EPM2A: variants seen among roughly 807,000 people sequenced by gnomAD.
EPM2A encodes laforin.
Under a neutral mutation model 26.5 loss-of-function variants are expected in EPM2A, and 21 were observed. The observed-to-expected ratio is 0.79, with a 90% CI of 0.56 to 1.14. The LOEUF (loss-of-function observed/expected upper bound fraction) is 1.14. Ranked by LOEUF, EPM2A falls within the 50% of genes most tolerant of loss-of-function variation. The pLI is 0.00. For synonymous variants in EPM2A, 217 were observed against 177.6 expected, an observed-to-expected ratio of 1.22 and a Z score of -1.76; for missense variants, 458 against 440.8, an observed-to-expected ratio of 1.04 and a Z score of -0.35.
At chr6:145,506,148 G>C (rs1021958781) in intron 2 of EPM2A, among the ~76,000 whole-genome samples, 3 of 152,202 alleles carry the variant, frequency 2.0e-5, no homozygotes, top group African/African-American at 7.2e-5. Context: ...TCACACTACA[G>C]TTTCCTTTGG....
At chr6:145,391,895 C>T (rs1778341315) in intron 4 of EPM2A, among the ~76,000 whole-genome samples, 1 of 151,650 alleles carries the variant, frequency 6.6e-6, no homozygotes, top group South Asian at 2.1e-4. Context: ...AGAGATATTT[C>T]TCTTGGCCCT....
Position 145,450,579 on chromosome 6 carries a change from T to C in EPM2A, c.555+51943A>G, listed in dbSNP as rs1779184380. On this transcript the variant is annotated intron_variant, in intron 4 of 4. Transcript: ENST00000638717. ...CCCTGACTTTGGAAGTTTTCTCACA[T>C]GCATACTCTGATCAGTAAGCAGTTA... Among the ~76,000 whole-genome samples the C allele has an allele frequency of 2.0e-5, 3 of 152,296 alleles. No individual in the cohort carries two copies. The South Asian group carries it at 6.2e-4, about 32-fold the overall frequency.
intron 2 of EPM2A, among the ~76,000 whole-genome samples, chr6:145,561,934 C>T (rs566710398): frequency 6.6e-6 from 1 of 151,948 alleles, no homozygotes; most frequent in Non-Finnish European, 1.5e-5. Context: ...AGCATTAGGA[C>T]AAATACCTAA....
chr6:145,414,257 A>C (rs938936233), intron 4 of EPM2A, among the ~76,000 whole-genome samples: 1 of 151,884 alleles, frequency 6.6e-6, no homozygotes, highest in Non-Finnish European at 1.5e-5. Flanking sequence ...TGGCTTTGTT[A>C]GTGTGGATTT....
chr6:145,680,367 A>ATTTATTTATTTT (rs1780419951), intron 2 of EPM2A, among the ~76,000 whole-genome samples: 1 of 81,904 alleles, frequency 1.2e-5, no homozygotes, highest in African/African-American at 5.3e-5. Context: ...AGTTTCATTT[A>ATTTATTTATTTT]TTTATTTATT....
chr6:145,481,508 G>A (rs1779611019), intron 4 of EPM2A, among the ~76,000 whole-genome samples: 1 of 152,070 alleles, frequency 6.6e-6, no homozygotes, highest in Non-Finnish European at 1.5e-5. Context: ...GCTCATCAGG[G>A]ATGCTAATTT....
At chr6:145,469,840 T>C (rs1779449891) in intron 4 of EPM2A, among the ~76,000 whole-genome samples, 1 of 152,142 alleles carries the variant, frequency 6.6e-6, no homozygotes. Flanking sequence ...TATTCAGCCA[T>C]AAAGAAGAAT....
chr6:145,412,167 A>G (rs972656464), intron 4 of EPM2A, among the ~76,000 whole-genome samples: 1 of 150,968 alleles, frequency 6.6e-6, no homozygotes, highest in African/African-American at 2.4e-5. Context: ...CAGTGAGCCA[A>G]GATTGCGCCA....
intron 2 of EPM2A, among the ~76,000 whole-genome samples, chr6:145,679,628 C>T (rs1282717617): frequency 2.6e-5 from 4 of 152,004 alleles, no homozygotes; most frequent in Non-Finnish European, 5.9e-5. Context: ...GTCTTCTGCA[C>T]TGAGAGCTTA....
At chr6:145,720,479 T>G (rs1262420474) in intron 1 of EPM2A, among the ~76,000 whole-genome samples, 3 of 152,202 alleles carry the variant, frequency 2.0e-5, no homozygotes, top group East Asian at 3.8e-4. Context: ...TTCAGAATTA[T>G]TTTTACCTCA....
At chr6:145,503,318 C>T (rs956954952) in intron 2 of EPM2A, among the ~76,000 whole-genome samples, 9 of 148,414 alleles carry the variant, frequency 6.1e-5, no homozygotes, top group African/African-American at 1.5e-4. Flanking sequence ...TGTTTGCAGA[C>T]GACATGATTG....
At chr6:145,620,079 C>T (rs1393369825) in intron 2 of EPM2A, among the ~76,000 whole-genome samples, 1 of 152,186 alleles carries the variant, frequency 6.6e-6, no homozygotes, top group Non-Finnish European at 1.5e-5. Context: ...TTTGTTTATC[C>T]ACTATGGGTG....
intron 2 of EPM2A, among the ~76,000 whole-genome samples, chr6:145,600,073 T>C (rs993894473): frequency 2.6e-5 from 4 of 152,200 alleles, no homozygotes; most frequent in Non-Finnish European, 2.9e-5. Context: ...GGCAACATCA[T>C]TGAACTCTCA....
chr6:145,641,566 T>C (rs551420853), intron 2 of EPM2A, among the ~76,000 whole-genome samples: 89 of 152,300 alleles, frequency 5.8e-4, no homozygotes, highest in Admixed American at 1.7e-3. Flanking sequence ...CATTCAGGCT[T>C]AAAATAGAGT....
At chr6:145,563,584 T>C (rs1039363482) in intron 2 of EPM2A, among the ~76,000 whole-genome samples, 5 of 152,110 alleles carry the variant, frequency 3.3e-5, no homozygotes, top group African/African-American at 4.8e-5. Context: ...AGGATTTTAT[T>C]GCAAGCTTGA....
chr6:145,661,156 G>A (rs78041218), intron 2 of EPM2A, among the ~76,000 whole-genome samples: 6,199 of 152,176 alleles, frequency 0.041, 426 homozygotes, highest in African/African-American at 0.14. Context: ...AAGGGGAACA[G>A]AAGGGGCAAA....
At chr6:145,685,943 A>G (rs1780868937) in intron 2 of EPM2A, among the ~76,000 whole-genome samples, 179 bp downstream of exon 2, 1 of 152,198 alleles carries the variant, frequency 6.6e-6, no homozygotes, top group Non-Finnish European at 1.5e-5. Context: ...AAAATCCTCC[A>G]CATCTAGACC....
chr6:145,519,570 G>A (rs923203108), intron 2 of EPM2A, among the ~76,000 whole-genome samples: 3 of 152,086 alleles, frequency 2.0e-5, no homozygotes, highest in Admixed American at 6.6e-5. Context: ...AGACTGTATA[G>A]GAAAAAAGAG....
chr6:145,605,385 C>T (rs1339950791), intron 2 of EPM2A, among the ~76,000 whole-genome samples: 1 of 152,078 alleles, frequency 6.6e-6, no homozygotes, highest in Non-Finnish European at 1.5e-5. Flanking sequence ...AAAATATACT[C>T]GTGGGCACTG....
Sources: gnomAD v4.1 joint callset for allele counts (sites outside exome capture counted in the v4.1 genomes callset) on GRCh38, gnomAD v4.1.1 for gene constraint, MANE v1.5 for transcripts, NCBI Gene and HGNC (gene_info 2026-07-23, HGNC 2026-07-21) for gene names.